The following TLN2 variants were observed in gnomAD, a reference collection of about 807,000 sequenced individuals.
The protein encoded by TLN2 is talin-2.
TLN2 carries 118 observed loss-of-function variants against 294.7 expected under a neutral mutation model. The ratio of observed to expected loss-of-function variants is 0.40; its 90% CI spans 0.34 to 0.47. The LOEUF (loss-of-function observed/expected upper bound fraction) is 0.47, where lower values mean the gene tolerates loss of function less well. Among genes scored for constraint, TLN2 ranks in the 20% least tolerant of loss-of-function variants. The probability of loss-of-function intolerance (pLI) is 0.84; values close to 1 mark genes in which losing one functional copy is unlikely to be tolerated. For synonymous variants in TLN2, 1,431 were observed against 1,304.5 expected, an observed-to-expected ratio of 1.10 and a Z score of -2.09; for missense variants, 3,083 against 3,282.2, an observed-to-expected ratio of 0.94 and a Z score of 1.48.
chr15:62,471,975 C>T (rs1015787455), intron 1 of TLN2, among the ~76,000 whole-genome samples: 3 of 152,160 alleles, frequency 2.0e-5, no homozygotes, highest in Non-Finnish European at 2.9e-5. Context: ...TCTTCCTTCT[C>T]CCCTGCGCTT....
At chr15:62,730,856 T>C (rs2060687682) in intron 28 of TLN2, among the ~76,000 whole-genome samples, 1 of 152,238 alleles carries the variant, frequency 6.6e-6, no homozygotes. Flanking sequence ...ATGGGATTTG[T>C]TGTCCTGGGC....
chr15:62,592,337 C>G (rs2140742018), intron 2 of TLN2, among the ~76,000 whole-genome samples: 1 of 152,280 alleles, frequency 6.6e-6, no homozygotes, highest in African/African-American at 2.4e-5. Flanking sequence ...TTCTGATTTT[C>G]TGGGAAACCC....
At chr15:62,819,466 C>G in intron 52 of TLN2, 50 bp from the exon 53 acceptor site, 1 of 1,475,694 alleles carries the variant, frequency 6.8e-7, no homozygotes. Flanking sequence ...TCTTTCCTGT[C>G]CCAGTGGTTA....
At chr15:62,444,015 T>C (rs1485855109) in intron 1 of TLN2, among the ~76,000 whole-genome samples, 1 of 152,186 alleles carries the variant, frequency 6.6e-6, no homozygotes, top group Non-Finnish European at 1.5e-5. Context: ...GAATCTGTTT[T>C]CTAGCAGTTC....
chr15:62,816,166 A>G (rs963114833), intron 52 of TLN2, among the ~76,000 whole-genome samples: 2 of 152,226 alleles, frequency 1.3e-5, no homozygotes, highest in Non-Finnish European at 1.5e-5. Context: ...CTCAACAAAC[A>G]TAGGATCTAA....
At chr15:62,677,827 G>T (rs1322263627) in intron 11 of TLN2, among the ~76,000 whole-genome samples, 1 of 1,274 alleles carries the variant, frequency 7.8e-4, no homozygotes. Context: ...TTTTTGAGAC[G>T]GAGATTCACC....
In TLN2 at chr15:62,783,831, G is replaced by A. The variant is rs868515358; in HGVS notation, c.5677G>A (p.Asp1893Asn). The change falls in exon 45 of 59, where the codon GAC (aspartate) becomes AAC (asparagine). Residue 1893 changes from aspartate (D) to asparagine (N), a missense_variant. Physicochemically the swap from Asp to Asn is conservative, Grantham distance 23 (BLOSUM62 1). Transcript: ENST00000636159. ...LGGLASQMTSDYGHLAFQGQM... is the reference protein window; with the variant it reads ...LGGLASQMTSNYGHLAFQGQM... Reference sequence around the variant, plus strand: ...AGGACTGGCTTCACAAATGACCAGTGACTATGGGCACCTGGCTTTCCAGGG... The same window carrying A: ...AGGACTGGCTTCACAAATGACCAGTAACTATGGGCACCTGGCTTTCCAGGG... 1 of 1,613,874 alleles carries A rather than the reference G, an allele frequency of 6.2e-7. No homozygotes were observed. The highest frequency in any genetic ancestry group is 1.3e-5 in the African/African-American group (1 of 75,040).
chr15:62,413,981 G>A (rs1170373229), intron 1 of TLN2, among the ~76,000 whole-genome samples: 2 of 140,432 alleles, frequency 1.4e-5, no homozygotes, highest in African/African-American at 2.5e-5. Context: ...GTAAATGATT[G>A]GAGCCATCTG....
At chr15:62,642,451 G>A (rs1440079048) in intron 3 of TLN2, among the ~76,000 whole-genome samples, 1 of 152,170 alleles carries the variant, frequency 6.6e-6, no homozygotes, top group Non-Finnish European at 1.5e-5. Flanking sequence ...GAGGGGTTCG[G>A]GTGCAGAAGA....
chr15:62,539,287 A>G (rs905877324), intron 1 of TLN2, among the ~76,000 whole-genome samples: 2 of 152,208 alleles, frequency 1.3e-5, no homozygotes, highest in Non-Finnish European at 2.9e-5. Context: ...GTCCTGTTAC[A>G]GTAAATCATG....
intron 25 of TLN2, among the ~76,000 whole-genome samples, chr15:62,720,363 A>G (rs1209790634): frequency 1.3e-5 from 2 of 152,220 alleles, no homozygotes; most frequent in African/African-American, 4.8e-5. Context: ...ATTTTAAGGA[A>G]AATAAACGAA....
intron 1 of TLN2, among the ~76,000 whole-genome samples, chr15:62,534,809 A>C (rs1304566998): frequency 6.6e-6 from 1 of 152,176 alleles, no homozygotes; most frequent in Non-Finnish European, 1.5e-5. Context: ...GATCCCCAGC[A>C]CTTCAGGAGC....
chr15:62,454,562 C>A (rs911389074), intron 1 of TLN2, among the ~76,000 whole-genome samples: 4 of 152,132 alleles, frequency 2.6e-5, no homozygotes, highest in Non-Finnish European at 4.4e-5. Flanking sequence ...GGATGTCTGG[C>A]AGATGCCTTA....
chr15:62,793,273 T>G (rs376003121), intron 46 of TLN2, among the ~76,000 whole-genome samples: 30 of 152,254 alleles, frequency 2.0e-4, no homozygotes, highest in African/African-American at 7.2e-4. Flanking sequence ...TTAGGCCACA[T>G]GGGGCAGTGG....
chr15:62,552,065 G>A (rs1310538952), intron 1 of TLN2, among the ~76,000 whole-genome samples: 1 of 152,104 alleles, frequency 6.6e-6, no homozygotes, highest in Non-Finnish European at 1.5e-5. Context: ...CTTTGTTGTC[G>A]TGGGCTGTCT....
intron 1 of TLN2, among the ~76,000 whole-genome samples, chr15:62,539,421 A>G (rs1406576602): frequency 2.0e-5 from 3 of 152,176 alleles, no homozygotes; most frequent in African/African-American, 7.2e-5. Flanking sequence ...ATGTCCAGAA[A>G]AGGACAGCAT....
chr15:62,722,453 C>T lies in TLN2; in HGVS notation c.3092C>T (p.Thr1031Ile). The T allele has an allele frequency of 6.2e-7, 1 of 1,612,368 alleles. No homozygotes were observed. Among genetic ancestry groups the T allele is most frequent in the Non-Finnish European group, 8.5e-7 (1 of 1,179,418 alleles). ...AGCCAGTGTGCCAAGAACCTGGCCA[C>T]CAGCTTGGCGGAGCTGCGTACCGCC... ...QLSQCAKNLA[T>I]SLAELRTASQ... is the part of the protein sequence containing the mutation. Residue 1031 changes from threonine (T) to isoleucine (I), a missense_variant, in exon 26 of 59, where the codon ACC becomes ATC. By Grantham distance (89) the Thr-to-Ile change is moderately conservative. Transcript: ENST00000636159.
At chr15:62,735,942 C>G (rs2060985475) in intron 28 of TLN2, among the ~76,000 whole-genome samples, 1 of 152,150 alleles carries the variant, frequency 6.6e-6, no homozygotes, top group Non-Finnish European at 1.5e-5. Flanking sequence ...TTAGCTGAAT[C>G]TCACAGCATT....
At chr15:62,411,607 G>A (rs1016216261) in intron 1 of TLN2, among the ~76,000 whole-genome samples, 8 of 152,148 alleles carry the variant, frequency 5.3e-5, no homozygotes, top group Admixed American at 3.9e-4. Flanking sequence ...GCCCATTGAG[G>A]TTGAGGTTGG....
Sources: allele counts gnomAD v4.1 joint callset (sites outside exome capture counted in the v4.1 genomes callset), GRCh38; gene constraint gnomAD v4.1.1; transcripts MANE v1.5; gene names NCBI Gene and HGNC (gene_info 2026-07-23, HGNC 2026-07-21).